Variants in ADCY4 observed in about 807,000 individuals in gnomAD.
The protein encoded by ADCY4 is adenylate cyclase type 4.
In ADCY4, 111 loss-of-function variants were observed where a neutral mutation model predicts 125.5. The observed-to-expected ratio is 0.88, with a 90% CI of 0.76 to 1.04. ADCY4 has a LOEUF of 1.04. ADCY4 is among the 50% of genes least tolerant of loss of function. The probability of loss-of-function intolerance (pLI) is 0.00; values close to 1 mark genes in which losing one functional copy is unlikely to be tolerated. For missense variants in ADCY4, 1,256 were observed against 1,382.9 expected (o/e 0.91, Z 1.46); for synonymous variants, 576 against 586.9 (o/e 0.98, Z 0.27).
chr14:24,325,681 A>G (rs905239885), intron 13 of ADCY4, 137 bp downstream of exon 13: 3 of 1,079,188 alleles, frequency 2.8e-6, no homozygotes, highest in African/African-American at 3.2e-5. Context: ...ACTTTCCTTT[A>G]GAGAGAGGCA....
At position 24,329,080 on chromosome 14, in the gene ADCY4, G is replaced by A; in HGVS notation, c.1505C>T (p.Ser502Phe). The change falls in exon 10 of 25, where the codon TCC (serine) becomes TTC (phenylalanine). Residue 502 changes from serine to phenylalanine, a missense_variant. Physicochemically the swap from Ser to Phe is radical, Grantham distance 155. Transcript: ENST00000418030. The stretch of plus-strand genomic sequence containing the variant: ...ACATACCGGGAGAGGGGTGGAGGTG[G>A]ACACAGGGCTGTCTCCGTGGCTCAG... ...AHLSHGDSPV[S>F]TSTPLPEKTL... is the part of the protein sequence containing the mutation. 1 of 1,613,746 alleles carries A rather than the reference G, an allele frequency of 6.2e-7. No homozygotes were observed. Among genetic ancestry groups the A allele is most frequent in the Non-Finnish European group, 8.5e-7 (1 of 1,179,802 alleles).
Position 24,334,513 on chromosome 14 carries a change from A to C in ADCY4, c.140T>G (p.Val47Gly). The part of the protein sequence containing the change: ...VLCALAALLA[V>G]AWASGRELTS... ...GCTCACCCTGCCGCTGGCCCAGGCC[A>C]CTGCGAGCAGCGCCGCGAGCGCACA... Residue 47 changes from valine to glycine, a missense_variant, in exon 1 of 25, where the codon GTG (valine) becomes GGG (glycine). Val to Gly is a moderately radical substitution (Grantham distance 109, BLOSUM62 -3). Coordinates refer to ENST00000418030, the MANE Select transcript of ADCY4 (RefSeq NM_001198568.2). The C allele has an allele frequency of 6.3e-7, 1 of 1,582,012 alleles. No individual in the cohort carries two copies. The highest frequency in any genetic ancestry group is 1.3e-5 in the African/African-American group (1 of 74,510).
At position 24,326,469 on chromosome 14, in the gene ADCY4, T is replaced by G. The variant is rs556674703; in HGVS notation, c.1525-127A>C. 9.8e-6 allele frequency: 11 copies of G among 1,121,214 alleles called. No individual in the cohort carries two copies. The African/African-American group carries it at 1.5e-4, about 16-fold the overall frequency. 69.5% of individuals were successfully genotyped at this position (1,121,214 alleles called of 1,614,324 possible). On this transcript the variant is annotated intron_variant, in intron 10 of 24. Transcript: ENST00000418030. ...GGGCATTTCACTGGGCTCTTTCTTT[T>G]GCCTCTAATGACCTCTCTGTCTCCC...
chr14:24,323,665 C>T (rs142806554), intron 16 of ADCY4: 89 of 1,400,832 alleles, frequency 6.4e-5, no homozygotes, highest in Admixed American at 3.9e-4. Context: ...TCCTCTGACT[C>T]TGAGCCACTG....
At chr14:24,330,983 A>T in intron 6 of ADCY4, 35 bp downstream of exon 6, 1 of 1,556,066 alleles carries the variant, frequency 6.4e-7, no homozygotes, top group South Asian at 1.2e-5. Context: ...GGGATGTTTG[A>T]GGGTCCCTGG....
chr14:24,321,307 G>C (rs1365214118), intron 20 of ADCY4, among the ~76,000 whole-genome samples: 4 of 151,682 alleles, frequency 2.6e-5, no homozygotes, highest in African/African-American at 9.7e-5. Context: ...TGTAATCCCA[G>C]CTACCTGGGA....
chr14:24,321,045 G>C (rs1238899785), intron 20 of ADCY4, among the ~76,000 whole-genome samples: 2 of 150,800 alleles, frequency 1.3e-5, no homozygotes, highest in Non-Finnish European at 3.0e-5. Flanking sequence ...TTCTACTTCA[G>C]ATCATCAGGC....
At chr14:24,331,649 A>C in intron 4 of ADCY4, 139 bp downstream of exon 4, 1 of 1,265,892 alleles carries the variant, frequency 7.9e-7, no homozygotes, top group Non-Finnish European at 1.1e-6. Context: ...TAAGATGGGC[A>C]ATACCCACAT....
rs749261652 is a variant in ADCY4, at chr14:24,326,126, G to A, written c.1608C>T (p.Thr536=). Residue 536 remains threonine (T), a synonymous_variant, in exon 12 of 25, where the codon ACC becomes ACT. Transcript: ENST00000418030. ...TPRGLDDELD[T]GDAKFFQVIE... is the part of the protein sequence containing the mutation. ...TGACCTGGAAGAACTTGGCATCCCC[G>A]GTGTCCAGTTCATCATCTAGTCCCC... 14 of 1,591,542 alleles carry A rather than the reference G, an allele frequency of 8.8e-6. No homozygotes were observed. Among genetic ancestry groups the A allele is most frequent in the African/African-American group, 2.7e-5 (2 of 74,236 alleles).
intron 17 of ADCY4, 44 bp from the exon 18 acceptor site, chr14:24,323,132 C>T: frequency 6.3e-7 from 1 of 1,596,426 alleles, no homozygotes; most frequent in Non-Finnish European, 8.6e-7. Context: ...GTCCCATAGG[C>T]AGAGGGGGGA....
rs372098333 is a variant in ADCY4, at chr14:24,334,815, G to C, written c.-163C>G. ...CCGTCTCCTTTTTCAGGCCCTCCCT[G>C]CGGCCTCCCAGCCCGCTCCCAGCTG... On this transcript the variant is annotated 5_prime_UTR_variant, in exon 1 of 25. Coordinates refer to ENST00000418030, the MANE Select transcript of ADCY4 (RefSeq NM_001198568.2). 1.3e-5 allele frequency: 8 copies of C among 607,022 alleles called. No homozygotes were observed. The African/African-American group carries it at 1.5e-4, about 12-fold the overall frequency. The allele number at this position is 607,022 out of a possible 1,614,324, so 37.6% of individuals were successfully genotyped here. A position where few individuals can be genotyped will look rare whatever the true frequency, so the allele number is the denominator to read the frequency against.
At position 24,332,567 on chromosome 14, in the gene ADCY4, C is replaced by T; in HGVS notation, c.474G>A (p.Leu158=). Residue 158 remains leucine, a synonymous_variant, in exon 3 of 25, where the codon CTG becomes CTA. Coordinates refer to ENST00000418030, the MANE Select transcript of ADCY4 (RefSeq NM_001198568.2). ...SSLSHLLVLG[L]YLGPQPDSRP... is the part of the protein sequence containing the mutation. ...GTGAGTCCGGCTGTGGCCCAAGATACAGCCCGAGGACCAGCAGATGCGAGA... is the reference window on the plus strand; with the variant it reads ...GTGAGTCCGGCTGTGGCCCAAGATATAGCCCGAGGACCAGCAGATGCGAGA... 6.3e-7 allele frequency: 1 copy of T among 1,575,794 alleles called. No homozygotes were observed. The highest frequency in any genetic ancestry group is 2.3e-5 in the East Asian group (1 of 43,274).
At chr14:24,333,118 C>A in intron 1 of ADCY4, 130 bp from the exon 2 acceptor site, 1 of 841,032 alleles carries the variant, frequency 1.2e-6, no homozygotes, top group East Asian at 2.9e-5. Context: ...GAAAAGGAGG[C>A]AAGGCACCTC....
intron 10 of ADCY4, among the ~76,000 whole-genome samples, chr14:24,327,459 G>C (rs1372294217): frequency 2.0e-5 from 3 of 152,108 alleles, no homozygotes; most frequent in African/African-American, 7.2e-5. Context: ...ACCCATGCTG[G>C]AGGTCTCATC....
At chr14:24,329,736 C>G (rs1227493892) in intron 8 of ADCY4, 124 bp downstream of exon 8, 1 of 1,466,470 alleles carries the variant, frequency 6.8e-7, no homozygotes, top group African/African-American at 1.4e-5. Flanking sequence ...TCTCCCAAGC[C>G]CCATATGGGA....
intron 19 of ADCY4, 86 bp from the exon 20 acceptor site, chr14:24,322,310 T>C: frequency 1.4e-6 from 2 of 1,471,032 alleles, no homozygotes; most frequent in Non-Finnish European, 1.8e-6. Flanking sequence ...CCATGATGCC[T>C]GAAACCACCC....
intron 10 of ADCY4, 82 bp downstream of exon 10, chr14:24,328,979 C>A: frequency 2.6e-6 from 4 of 1,510,536 alleles, no homozygotes; most frequent in Admixed American, 1.8e-5. Context: ...GTGGTGGGGG[C>A]AGGGAAGGCT....
rs111536410 is a variant in ADCY4 at position 24,320,107 on chromosome 14, G to A, written c.2587-219C>T. ...ATTCTAGAAGAGACAGAGGTTTGGCGTTAGGATCACCTCACAGCAACACGA... is the reference window on the plus strand; with the variant it reads ...ATTCTAGAAGAGACAGAGGTTTGGCATTAGGATCACCTCACAGCAACACGA... On this transcript the variant is annotated intron_variant, in intron 20 of 24. Coordinates refer to ENST00000418030, the MANE Select transcript of ADCY4 (RefSeq NM_001198568.2). Among the ~76,000 whole-genome samples the A allele has an allele frequency of 3.6e-3, 541 of 152,290 alleles. 2 individuals carry two copies. The highest frequency in any genetic ancestry group is 0.012 in the African/African-American group (517 of 41,548).
intron 16 of ADCY4, chr14:24,323,753 G>A: frequency 8.4e-6 from 6 of 716,108 alleles, no homozygotes; most frequent in Non-Finnish European, 1.0e-5. Context: ...GTGATTCCCA[G>A]GTGCCCACCA....
Sources: allele counts gnomAD v4.1 joint callset (sites outside exome capture counted in the v4.1 genomes callset), GRCh38; gene constraint gnomAD v4.1.1; transcripts MANE v1.5; gene names NCBI Gene and HGNC (gene_info 2026-07-23, HGNC 2026-07-21).